The following NPHP4 variants were observed in gnomAD, a reference collection of about 807,000 sequenced individuals.
The protein encoded by NPHP4 is nephrocystin-4.
A neutral mutation model predicts 155.8 loss-of-function variants in NPHP4; 151 were observed. The observed-to-expected ratio is 0.97, with a 90% CI of 0.85 to 1.11. NPHP4 has a LOEUF of 1.11. NPHP4 is among the 50% of genes least tolerant of loss of function. The pLI, the probability that NPHP4 is intolerant of heterozygous loss-of-function variation, is 0.00. For synonymous variants in NPHP4, 845 were observed against 816.8 expected (o/e 1.03, Z -0.59); for missense variants, 1,956 against 1,925.7 (o/e 1.02, Z -0.29).
At chr1:5,982,874 G>A (rs806104) in intron 2 of NPHP4, among the ~76,000 whole-genome samples, 92,551 of 152,050 alleles carry the variant, frequency 0.61, 28,344 homozygotes, top group East Asian at 0.76. Flanking sequence ...CACAGTAGTC[G>A]ATAAACATAC....
chr1:5,921,454 A>G (rs1645735743), intron 11 of NPHP4, among the ~76,000 whole-genome samples: 1 of 152,252 alleles, frequency 6.6e-6, no homozygotes, highest in Non-Finnish European at 1.5e-5. Flanking sequence ...CACGGTGGTA[A>G]GAGTTCTGCT....
At chr1:5,941,503 A>T (rs557749862) in intron 9 of NPHP4, among the ~76,000 whole-genome samples, 1 of 152,262 alleles carries the variant, frequency 6.6e-6, no homozygotes, top group East Asian at 1.9e-4. Flanking sequence ...AAATGACAAA[A>T]TGAGGAGAAA....
intron 4 of NPHP4, among the ~76,000 whole-genome samples, chr1:5,968,587 C>A (rs1651956688): frequency 6.6e-6 from 1 of 150,794 alleles, no homozygotes; most frequent in Non-Finnish European, 1.5e-5. Context: ...GGTGACAGAG[C>A]AAGACCCTGT....
In NPHP4 at chr1:5,873,334, G is replaced by A. The variant is rs1642209520; in HGVS notation, c.3233C>T (p.Ala1078Val). ...CTTCTCGTTGCTCAACCCAGGAGAGGCCTGCAGGAACCGAACAGCACAAGC... is the reference window on the plus strand; with the variant it reads ...CTTCTCGTTGCTCAACCCAGGAGAGACCTGCAGGAACCGAACAGCACAAGC... ...FSAGQLAMVQ[A>V]SPGLSNEKGM... The change falls in exon 23 of 30, where the codon GCC becomes GTC. Residue 1078 changes from alanine to valine, a missense_variant and splice_region_variant. Ala to Val is a moderately conservative substitution (Grantham distance 64). Transcript: ENST00000378156. 1 of 1,613,542 alleles carries A rather than the reference G, an allele frequency of 6.2e-7. No individual in the cohort carries two copies. The highest frequency in any genetic ancestry group is 1.1e-5 in the South Asian group (1 of 91,082).
chr1:5,889,346 T>A lies in NPHP4; in HGVS notation c.2304+1522A>T, dbSNP rs2100894010. On this transcript the variant is annotated intron_variant, in intron 17 of 29. Transcript: ENST00000378156. The surrounding 1 kb of genome is among the most constrained non-coding windows in gnomAD (Gnocchi z 4.2). ...GAGTCCAGAGGATTCTCTCTGATCATCTCAGTTTTTCACGTTTTCTACCTA... is the reference window on the plus strand; with the variant it reads ...GAGTCCAGAGGATTCTCTCTGATCAACTCAGTTTTTCACGTTTTCTACCTA... Among the ~76,000 whole-genome samples, 1 of 152,364 alleles carries A rather than the reference T, an allele frequency of 6.6e-6. No individual in the cohort carries two copies. The highest frequency in any genetic ancestry group is 1.9e-4 in the East Asian group (1 of 5,184).
At chr1:5,937,932 G>T (rs184393955) in intron 9 of NPHP4, among the ~76,000 whole-genome samples, 1 of 152,328 alleles carries the variant, frequency 6.6e-6, no homozygotes, top group South Asian at 2.1e-4. Context: ...GGGAACACGC[G>T]CAGTCACACT....
intron 1 of NPHP4, among the ~76,000 whole-genome samples, chr1:5,991,908 G>A (rs1188335226): frequency 2.8e-5 from 4 of 142,108 alleles, no homozygotes; most frequent in African/African-American, 1.1e-4. Flanking sequence ...TCAGCCGAGG[G>A]GCTGCAGAGA....
intron 1 of NPHP4, among the ~76,000 whole-genome samples, chr1:5,989,953 T>C (rs1383533084): frequency 3.3e-5 from 5 of 152,168 alleles, no homozygotes; most frequent in African/African-American, 1.2e-4. Flanking sequence ...CACACGGAAG[T>C]CCTGAGGCTC....
chr1:5,912,651 G>A (rs1489143805), intron 11 of NPHP4, among the ~76,000 whole-genome samples: 2 of 152,068 alleles, frequency 1.3e-5, no homozygotes, highest in Non-Finnish European at 2.9e-5. Flanking sequence ...GCTAGGAAAC[G>A]CGTATTCCTA....
chr1:5,884,402 G>A (rs1643586525), intron 18 of NPHP4, among the ~76,000 whole-genome samples: 1 of 152,120 alleles, frequency 6.6e-6, no homozygotes, highest in African/African-American at 2.4e-5. Context: ...AAAGGTCACA[G>A]AACACAAGTA....
At chr1:5,864,884 A>G in intron 27 of NPHP4, 1 of 567,918 alleles carries the variant, frequency 1.8e-6, no homozygotes, top group Non-Finnish European at 3.2e-6. Flanking sequence ...GGAATTCTGA[A>G]CACCGGCCTT....
At chr1:5,935,960 A>G (rs890044464) in intron 9 of NPHP4, among the ~76,000 whole-genome samples, 1 of 152,216 alleles carries the variant, frequency 6.6e-6, no homozygotes, top group Non-Finnish European at 1.5e-5. Flanking sequence ...ACTTTTGTAA[A>G]CAGTTATCAT....
intron 11 of NPHP4, among the ~76,000 whole-genome samples, chr1:5,918,340 G>T (rs1195232572): frequency 1.3e-5 from 2 of 152,158 alleles, no homozygotes; most frequent in Non-Finnish European, 2.9e-5. Flanking sequence ...AAATAAAAAT[G>T]GAACTCAACA....
rs1157185767 is a variant in NPHP4, at chr1:5,910,048, A to G, written c.1442-835T>C. Among the ~76,000 whole-genome samples, 1 of 152,186 alleles carries G rather than the reference A, an allele frequency of 6.6e-6. No homozygotes were observed. Among genetic ancestry groups the G allele is most frequent in the Non-Finnish European group, 1.5e-5 (1 of 68,040 alleles). On this transcript the variant is annotated intron_variant, in intron 11 of 29. Transcript: ENST00000378156. The surrounding 1 kb of genome is among the most constrained non-coding windows in gnomAD (Gnocchi z 5.4). Reference sequence around the variant, plus strand: ...ATCGCTGGAGTCTCTGAAACCCACCAGGCTCCTGCCACAGCGGTGCTGGAG... The same window carrying G: ...ATCGCTGGAGTCTCTGAAACCCACCGGGCTCCTGCCACAGCGGTGCTGGAG...
chr1:5,960,452 CG>C (rs1383342596), intron 6 of NPHP4, among the ~76,000 whole-genome samples: 1 of 152,132 alleles, frequency 6.6e-6, no homozygotes, highest in Non-Finnish European at 1.5e-5. Context: ...CAGGGACCTG[CG>C]CCGGAGCCGA....
rs898452630 is a variant in NPHP4 at position 5,874,743 on chromosome 1, C to G, written c.3045-86G>C. ...GCGGTCCCACCCACCGAGAGCGGTG[C>G]TCAGAGGAGTGGGAGAGAGAAGTCA... On this transcript the variant is annotated intron_variant, in intron 21 of 29. Transcript: ENST00000378156. The G allele has an allele frequency of 2.6e-6, 4 of 1,528,600 alleles. No individual in the cohort carries two copies. The African/African-American group carries it at 5.5e-5, about 21-fold the overall frequency. The allele number at this position is 1,528,600 out of a possible 1,614,324, so 94.7% of individuals were successfully genotyped here.
At chr1:5,971,280 C>T (rs947937178) in intron 3 of NPHP4, among the ~76,000 whole-genome samples, 1 of 152,192 alleles carries the variant, frequency 6.6e-6, no homozygotes, top group Non-Finnish European at 1.5e-5. Context: ...GCAACAGAGC[C>T]CCAGAGCTGC....
At chr1:5,927,322 C>T (rs1284794105) in intron 11 of NPHP4, among the ~76,000 whole-genome samples, 3 of 152,162 alleles carry the variant, frequency 2.0e-5, no homozygotes, top group African/African-American at 4.8e-5. Flanking sequence ...TGGCGGTCCT[C>T]GGCTCTCGAC....
chr1:5,959,908 G>A (rs1371120140), intron 6 of NPHP4, among the ~76,000 whole-genome samples: 1 of 152,214 alleles, frequency 6.6e-6, no homozygotes, highest in Non-Finnish European at 1.5e-5. Context: ...GCAGCACACA[G>A]CTAGTTCCAA....
Sources: gnomAD v4.1 joint callset for allele counts (sites outside exome capture counted in the v4.1 genomes callset) on GRCh38, gnomAD v4.1.1 for gene constraint, Gnocchi (gnomAD v3.1) non-coding constraint, MANE v1.5 for transcripts, NCBI Gene and HGNC (gene_info 2026-07-23, HGNC 2026-07-21) for gene names.